COL27A1: variants seen among roughly 807,000 people sequenced by gnomAD.
COL27A1 encodes the protein collagen type XXVII alpha 1 chain, also known as collagen alpha-1(XXVII) chain.
Under a neutral mutation model 251.3 loss-of-function variants are expected in COL27A1, and 106 were observed. That is an observed-to-expected ratio of 0.42 (90% CI 0.36 to 0.50). COL27A1 has a LOEUF of 0.50. COL27A1 is among the 20% of genes least tolerant of loss of function. COL27A1 has a pLI of 0.00. For missense variants in COL27A1, 2,325 were observed against 2,522.8 expected, an observed-to-expected ratio of 0.92 and a Z score of 1.68; for synonymous variants, 1,000 against 986.3, an observed-to-expected ratio of 1.01 and a Z score of -0.26.
Position 114,289,078 on chromosome 9 carries a change from G to A in COL27A1, c.4152+111G>A, listed in dbSNP as rs1249946885. The stretch of plus-strand genomic sequence containing the variant: ...TTAAAGGGACCCTCCCTGCAGGAGG[G>A]TCTGGGGCAGCCATTTCTGTTTCTC... On this transcript the variant is annotated intron_variant, in intron 44 of 60. Coordinates refer to ENST00000356083, the MANE Select transcript of COL27A1 (RefSeq NM_032888.4). 4 of 1,421,678 alleles carry A rather than the reference G, an allele frequency of 2.8e-6. No homozygotes were observed. The East Asian group carries it at 9.7e-5, about 34-fold the overall frequency. 88.1% of individuals were successfully genotyped at this position (1,421,678 alleles called of 1,614,324 possible).
At chr9:114,233,179 C>T (rs563587736) in intron 16 of COL27A1, among the ~76,000 whole-genome samples, 1 of 152,300 alleles carries the variant, frequency 6.6e-6, no homozygotes, top group East Asian at 1.9e-4. Context: ...GCTGGTGAGA[C>T]TCTGGGAGGT....
chr9:114,163,404 A>T (rs2098595851), intron 2 of COL27A1, among the ~76,000 whole-genome samples: 1 of 62,558 alleles, frequency 1.6e-5, no homozygotes, highest in African/African-American at 5.8e-5. Context: ...AAGAACTGCT[A>T]AAAAAAAAAA....
At chr9:114,204,460 T>C (rs1230656588) in intron 7 of COL27A1, among the ~76,000 whole-genome samples, 2 of 152,184 alleles carry the variant, frequency 1.3e-5, no homozygotes, top group South Asian at 2.1e-4. Flanking sequence ...TGGACATGCC[T>C]TTTGGCCATC....
chr9:114,167,713 G>T lies in COL27A1; in HGVS notation c.158G>T (p.Gly53Val). The change falls in exon 3 of 61, where the codon GGC becomes GTC. Residue 53 changes from glycine (G) to valine (V), a missense_variant. This residue lies in a region of COL27A1 where 1,183 missense variants were observed against 1,144.1 expected (regional missense o/e 1.03). Coordinates refer to ENST00000356083, the MANE Select transcript of COL27A1 (RefSeq NM_032888.4). ...PEDVDILQRL[G>V]LSWTKAGSPA... ...GATGTGGACATCCTCCAGCGGCTGG[G>T]CCTCAGCTGGACGAAGGCCGGGAGC... 1 of 1,612,830 alleles carries T rather than the reference G, an allele frequency of 6.2e-7. No individual in the cohort carries two copies. The highest frequency in any genetic ancestry group is 8.5e-7 in the Non-Finnish European group (1 of 1,179,252).
intron 17 of COL27A1, 97 bp from the exon 18 acceptor site, chr9:114,236,884 C>A: frequency 9.0e-7 from 1 of 1,109,010 alleles, no homozygotes; most frequent in Non-Finnish European, 1.4e-6. Flanking sequence ...CCAAGGCGGG[C>A]GTTCTCTGGG....
intron 15 of COL27A1, among the ~76,000 whole-genome samples, 188 bp from the exon 16 acceptor site, chr9:114,231,634 C>T (rs1464941638): frequency 6.6e-6 from 1 of 152,224 alleles, no homozygotes; most frequent in Admixed American, 6.5e-5. Flanking sequence ...TGCACTGCCT[C>T]TCTCACAGCT....
rs41312228 is a variant in COL27A1, at chr9:114,264,885, A to G, written c.3250-39A>G. On this transcript the variant is annotated intron_variant, in intron 29 of 60. Transcript: ENST00000356083. Reference sequence around the variant, plus strand: ...CCCTTTTTGGGGAACGGTCCTCCCAAGCACCCTCTCCCACCTTCACGTGCT... The same window carrying G: ...CCCTTTTTGGGGAACGGTCCTCCCAGGCACCCTCTCCCACCTTCACGTGCT... 0.13 allele frequency: 208,691 copies of G among 1,594,282 alleles called. 15,059 individuals are homozygous for G. Among genetic ancestry groups the G allele is most frequent in the Non-Finnish European group, 0.15 (170,118 of 1,170,458 alleles).
At chr9:114,237,959 T>A (rs945515664) in intron 19 of COL27A1, among the ~76,000 whole-genome samples, 8 of 152,174 alleles carry the variant, frequency 5.3e-5, no homozygotes, top group Non-Finnish European at 1.0e-4. Context: ...TCTGCCAACT[T>A]TGTGGCCACC....
rs145088502 is a variant in COL27A1 at position 114,195,484 on chromosome 9, G to A, written c.2071-475G>A. On this transcript the variant is annotated intron_variant, in intron 6 of 60. Coordinates refer to ENST00000356083, the MANE Select transcript of COL27A1 (RefSeq NM_032888.4). ...AGCTGATAAGTGGCAAAATGAGATC[G>A]GCACCCAGGAGCCCAGGCTTCCCTC... 2.8e-3 allele frequency among the ~76,000 whole-genome samples: 432 copies of A among 152,264 alleles called. 3 individuals carry two copies. Among genetic ancestry groups the A allele is most frequent in the African/African-American group, 9.8e-3 (405 of 41,528 alleles).
At chr9:114,255,729 T>C (rs1335896713) in intron 27 of COL27A1, among the ~76,000 whole-genome samples, 1 of 152,166 alleles carries the variant, frequency 6.6e-6, no homozygotes, top group Non-Finnish European at 1.5e-5. Context: ...CCCCCACTGC[T>C]ACGGTACAGG....
chr9:114,175,854 A>T (rs1827395851), intron 3 of COL27A1, among the ~76,000 whole-genome samples: 2 of 152,204 alleles, frequency 1.3e-5, no homozygotes, highest in African/African-American at 4.8e-5. Context: ...AGATGGGAAG[A>T]ATCTCGCTTT....
chr9:114,212,705 T>A (rs1272710769), intron 12 of COL27A1, among the ~76,000 whole-genome samples: 1 of 152,142 alleles, frequency 6.6e-6, no homozygotes, highest in Non-Finnish European at 1.5e-5. Context: ...TGAACCACAG[T>A]TTTCTCTTCC....
chr9:114,267,491 C>T lies in COL27A1; in HGVS notation c.3448-13C>T, dbSNP rs74964165. The T allele has an allele frequency of 9.1e-4, 1,461 of 1,599,388 alleles. 17 individuals are homozygous for T. The African/African-American group carries it at 0.017, about 19-fold the overall frequency. On this transcript the variant is annotated splice_polypyrimidine_tract_variant and intron_variant, in intron 33 of 60. Transcript: ENST00000356083. ...CTCTTGCTCTAGGAGGGACCAATGG[C>T]GTTTTCTTTCAGGGGCCGCCTGGTG...
intron 28 of COL27A1, among the ~76,000 whole-genome samples, chr9:114,260,430 C>T (rs1354331818): frequency 6.6e-6 from 1 of 152,156 alleles, no homozygotes; most frequent in Non-Finnish European, 1.5e-5. Context: ...CAGAGGCACC[C>T]ACCGTGCCTG....
rs777761822 is a variant in COL27A1, at chr9:114,206,246, T to C, written c.2224-6T>C. The C allele has an allele frequency of 6.2e-7, 1 of 1,613,914 alleles. No homozygotes were observed. ...TGTCCTTGCCCCTCTGTGTTTTGTG[T>C]TTCAGGGGTTACCTGGACCGGTAGG... On this transcript the variant is annotated splice_polypyrimidine_tract_variant and splice_region_variant and intron_variant, in intron 9 of 60. Coordinates refer to ENST00000356083, the MANE Select transcript of COL27A1 (RefSeq NM_032888.4).
intron 12 of COL27A1, among the ~76,000 whole-genome samples, chr9:114,217,323 G>A (rs1287714892): frequency 1.3e-5 from 2 of 152,166 alleles, no homozygotes; most frequent in African/African-American, 4.8e-5. Context: ...CCCTTCATGT[G>A]GCATCTCAGC....
chr9:114,304,536 TG>T, intron 56 of COL27A1, 71 bp from the exon 57 acceptor site: 1 of 1,422,802 alleles, frequency 7.0e-7, no homozygotes, highest in Non-Finnish European at 9.9e-7. Context: ...AATGTGGCCC[TG>T]GGGCTCCCAC....
chr9:114,158,392 C>T (rs1347012282), intron 1 of COL27A1, among the ~76,000 whole-genome samples: 1 of 152,144 alleles, frequency 6.6e-6, no homozygotes, highest in Non-Finnish European at 1.5e-5. Context: ...CAGGAGTAGC[C>T]CCATTTGGTG....
intron 28 of COL27A1, among the ~76,000 whole-genome samples, chr9:114,258,964 C>G (rs1376717038): frequency 1.3e-5 from 2 of 152,204 alleles, no homozygotes; most frequent in African/African-American, 4.8e-5. Flanking sequence ...CCCTTGTGAG[C>G]CAGTCAACAA....
Sources: gnomAD v4.1 joint callset for allele counts (sites outside exome capture counted in the v4.1 genomes callset) on GRCh38, gnomAD v4.1.1 for gene constraint, gnomAD v4.1.1 regional missense constraint, MANE v1.5 for transcripts, NCBI Gene and HGNC (gene_info 2026-07-23, HGNC 2026-07-21) for gene names.